Variants in ZZEF1 observed in about 807,000 individuals in gnomAD.
ZZEF1 encodes zinc finger ZZ-type and EF-hand domain containing 1, also known as zinc finger ZZ-type and EF-hand domain-containing protein 1.
A neutral mutation model predicts 342.8 loss-of-function variants in ZZEF1; 157 were observed. That is an observed-to-expected ratio of 0.46 (90% CI 0.40 to 0.52). The LOEUF is 0.52. Among genes scored for constraint, ZZEF1 ranks in the 20% least tolerant of loss-of-function variants. ZZEF1 has a pLI of 0.00. For missense variants in ZZEF1, 3,480 were observed against 3,725.6 expected (o/e 0.93, Z 1.72); for synonymous variants, 1,505 against 1,429.1 (o/e 1.05, Z -1.20).
intron 27 of ZZEF1, 56 bp from the exon 28 acceptor site, chr17:4,066,596 G>A: frequency 1.3e-6 from 2 of 1,519,572 alleles, no homozygotes; most frequent in South Asian, 2.2e-5. Flanking sequence ...AGCAAGGACA[G>A]CCATGGCAAA....
At chr17:4,106,962 G>A (rs1191788638) in intron 6 of ZZEF1, among the ~76,000 whole-genome samples, 1 of 152,172 alleles carries the variant, frequency 6.6e-6, no homozygotes, top group South Asian at 2.1e-4. Flanking sequence ...CTCTGCCCTA[G>A]TTCTGTTCCT....
Position 4,029,191 on chromosome 17 carries a change from T to G in ZZEF1, c.6892+2935A>C, listed in dbSNP as rs1348217319. Among the ~76,000 whole-genome samples, 5 of 152,172 alleles carry G rather than the reference T, an allele frequency of 3.3e-5. No individual in the cohort carries two copies. The East Asian group carries it at 9.6e-4, about 29-fold the overall frequency. ...TCTTCAAGTGTACATGGAAACTCCA[T>G]GAAAACAGACCTAATTTTGGACAAT... On this transcript the variant is annotated intron_variant, in intron 42 of 54. Coordinates refer to ENST00000381638, the MANE Select transcript of ZZEF1 (RefSeq NM_015113.4).
At chr17:4,108,705 T>TAATG (rs1291060612) in intron 6 of ZZEF1, among the ~76,000 whole-genome samples, 1 of 152,218 alleles carries the variant, frequency 6.6e-6, no homozygotes, top group East Asian at 1.9e-4. Context: ...AATTACTCTC[T>TAATG]AATGACTGAG....
At chr17:4,061,380 A>G (rs879321670) in intron 30 of ZZEF1, among the ~76,000 whole-genome samples, 1 of 152,010 alleles carries the variant, frequency 6.6e-6, no homozygotes, top group Non-Finnish European at 1.5e-5. Context: ...TTCTAGGTAA[A>G]GAAGTGTCCC....
intron 6 of ZZEF1, among the ~76,000 whole-genome samples, 163 bp from the exon 7 acceptor site, chr17:4,105,972 C>T (rs1012394714): frequency 5.9e-5 from 9 of 152,166 alleles, no homozygotes; most frequent in Middle Eastern, 6.8e-3. Context: ...TTTTTTGAGA[C>T]GGAGTCTCGC....
intron 39 of ZZEF1, among the ~76,000 whole-genome samples, chr17:4,041,771 G>C (rs181407075): frequency 1.5e-3 from 231 of 152,192 alleles, no homozygotes; most frequent in South Asian, 3.5e-3. Context: ...AAACTGTTCA[G>C]GGTCTTTAAA....
intron 25 of ZZEF1, chr17:4,071,323 C>T: frequency 5.9e-6 from 1 of 170,868 alleles, no homozygotes; most frequent in Admixed American, 5.9e-5. Context: ...GGTTACGAGT[C>T]AGTGGGGAGA....
At position 4,034,410 on chromosome 17, in the gene ZZEF1, T is replaced by C. The variant is rs149441556; in HGVS notation, c.6307-118A>G. The C allele has an allele frequency of 6.8e-6, 7 of 1,029,926 alleles. No individual in the cohort carries two copies. The East Asian group carries it at 1.3e-4, about 19-fold the overall frequency. 63.8% of individuals were successfully genotyped at this position (1,029,926 alleles called of 1,614,324 possible). On this transcript the variant is annotated intron_variant, in intron 39 of 54. Transcript: ENST00000381638. ...GGCCTAGTGCTAACGGAATCATGCT[T>C]GTAGCTTTCATAAATGCCATATGTA...
chr17:4,136,372 G>A (rs1257052792), intron 1 of ZZEF1, among the ~76,000 whole-genome samples: 1 of 151,642 alleles, frequency 6.6e-6, no homozygotes, highest in Non-Finnish European at 1.5e-5. Flanking sequence ...ACATTACAGA[G>A]GCTAGAATAA....
chr17:4,088,958 A>G (rs2057893611), intron 12 of ZZEF1, 65 bp from the exon 13 acceptor site: 1 of 1,496,972 alleles, frequency 6.7e-7, no homozygotes, highest in Admixed American at 1.9e-5. Flanking sequence ...TTAAAGAGGG[A>G]AAAAGGCCTT....
intron 42 of ZZEF1, among the ~76,000 whole-genome samples, chr17:4,025,810 G>A (rs1346769219): frequency 9.2e-5 from 14 of 152,176 alleles, no homozygotes; most frequent in Non-Finnish European, 1.9e-4. Context: ...ATAGCTTGCA[G>A]ATATTGGGCA....
chr17:4,011,840 G>A (rs1012734497), intron 52 of ZZEF1, among the ~76,000 whole-genome samples: 1 of 152,194 alleles, frequency 6.6e-6, no homozygotes, highest in African/African-American at 2.4e-5. Flanking sequence ...TTTCCAGCTG[G>A]GTTTTCAGAG....
At chr17:4,054,324 T>C (rs1339308240) in intron 33 of ZZEF1, 129 bp from the exon 34 acceptor site, 2 of 1,005,654 alleles carry the variant, frequency 2.0e-6, no homozygotes, top group African/African-American at 1.6e-5. Flanking sequence ...GATTTGATAA[T>C]GAATAAGCTC....
In ZZEF1 at chr17:4,075,834, TG is replaced by T. The variant is rs538470758; in HGVS notation, c.3235-406del. ...TACCCTTTTCTTTTGAGCGGGGGGT[TG>T]GGGGGGGGCCTTTGGTTTTTTACCT... On this transcript the variant is annotated intron_variant, in intron 21 of 54. Transcript: ENST00000381638. 747 of 78,048 alleles carry T rather than the reference TG, an allele frequency of 9.6e-3. 4 individuals are homozygous for T. The highest frequency in any genetic ancestry group is 0.033 in the African/African-American group (685 of 20,830). 4.8% of individuals were successfully genotyped at this position (78,048 alleles called of 1,614,324 possible). A position where few individuals can be genotyped will look rare whatever the true frequency, so the allele number is the denominator to read the frequency against.
At chr17:4,023,679 T>A (rs867730832) in intron 43 of ZZEF1, among the ~76,000 whole-genome samples, 315 of 108,938 alleles carry the variant, frequency 2.9e-3, no homozygotes, top group African/African-American at 0.011. Context: ...AAAAAAAAAA[T>A]TAACTGGGCA....
At chr17:4,007,718 G>A (rs760744016) in intron 54 of ZZEF1, among the ~76,000 whole-genome samples, 8 of 152,168 alleles carry the variant, frequency 5.3e-5, no homozygotes, top group Non-Finnish European at 8.8e-5. Context: ...CTGCCTACAG[G>A]TCTCGGGTGA....
rs201420784 is a variant in ZZEF1 at position 4,014,186 on chromosome 17, C to T, written c.8317G>A (p.Asp2773Asn). 22 of 1,614,162 alleles carry T rather than the reference C, an allele frequency of 1.4e-5. No individual in the cohort carries two copies. Among genetic ancestry groups the T allele is most frequent in the Non-Finnish European group, 1.9e-5 (22 of 1,180,018 alleles). ...QKWKDFELPGDTLYYRFTSDM... is the reference protein window; with the variant it reads ...QKWKDFELPGNTLYYRFTSDM... ...GAGGTGAAGCGGTAATACAGAGTGTCTCCTAGGCACACAAGGATCAGAGGC... is the reference window on the plus strand; with the variant it reads ...GAGGTGAAGCGGTAATACAGAGTGTTTCCTAGGCACACAAGGATCAGAGGC... Residue 2773 changes from aspartate to asparagine, a missense_variant and splice_region_variant, in exon 51 of 55, where the codon GAC becomes AAC. This residue lies in a region of ZZEF1 where 1,269 missense variants were observed against 1,342.4 expected (regional missense o/e 0.95). Transcript: ENST00000381638. This position sits in a 1 kb window ranked among gnomAD's most constrained non-coding sequence, Gnocchi z 4.4.
rs1162516894 is a variant in ZZEF1 at position 4,017,494 on chromosome 17, C to T, written c.7878G>A (p.Leu2626=). ...VLYARHVLAS[L]LAEWPSHVPV... ...GCACGTGGCTAGGCCACTCGGCGAG[C>T]AGGGATGCAAGCACGTGGCGGGCGT... The change falls in exon 48 of 55, where the codon CTG becomes CTA. Residue 2626 remains leucine, a synonymous_variant. Transcript: ENST00000381638. This position sits in a 1 kb window ranked among gnomAD's most constrained non-coding sequence, Gnocchi z 5.1. 5.0e-6 allele frequency: 8 copies of T among 1,614,282 alleles called. No homozygotes were observed. The highest frequency in any genetic ancestry group is 4.5e-5 in the East Asian group (2 of 44,894).
Position 4,104,688 on chromosome 17 carries a change from G to C in ZZEF1, c.1518C>G (p.Ala506=), listed in dbSNP as rs1280287591. Residue 506 remains alanine (A), a synonymous_variant, in exon 8 of 55, where the codon GCC becomes GCG. Coordinates refer to ENST00000381638, the MANE Select transcript of ZZEF1 (RefSeq NM_015113.4). ...ACGCCATGGACAAGATGAGGGATGAGGCATCATACTGCGTGTCCAGATGGT... is the reference window on the plus strand; with the variant it reads ...ACGCCATGGACAAGATGAGGGATGACGCATCATACTGCGTGTCCAGATGGT... The part of the protein sequence containing the change: ...ITDHLDTQYD[A]SSLILSMASV... 1.4e-5 allele frequency: 22 copies of C among 1,613,996 alleles called. No homozygotes were observed. The highest frequency in any genetic ancestry group is 3.3e-5 in the South Asian group (3 of 91,080).
Sources: gnomAD v4.1 joint callset for allele counts (sites outside exome capture counted in the v4.1 genomes callset) on GRCh38, gnomAD v4.1.1 for gene constraint, gnomAD v4.1.1 regional missense constraint, Gnocchi (gnomAD v3.1) non-coding constraint, MANE v1.5 for transcripts, NCBI Gene and HGNC (gene_info 2026-07-23, HGNC 2026-07-21) for gene names.